PHF8: variants seen among roughly 807,000 people sequenced by gnomAD.
PHF8 encodes the protein PHD finger protein 8, also known as histone lysine demethylase PHF8.
Under a neutral mutation model 74.4 loss-of-function variants are expected in PHF8, and 9 were observed. The observed-to-expected ratio is 0.12, with a 90% CI of 0.07 to 0.21. The LOEUF (loss-of-function observed/expected upper bound fraction) is 0.21, where lower values mean the gene tolerates loss of function less well. Among genes scored for constraint, PHF8 ranks in the 10% least tolerant of loss-of-function variants. The probability of loss-of-function intolerance (pLI) is 1.00; values close to 1 mark genes in which losing one functional copy is unlikely to be tolerated. For missense variants in PHF8, 478 were observed against 816.6 expected, an observed-to-expected ratio of 0.59 and a Z score of 5.05; for synonymous variants, 311 against 316.6, an observed-to-expected ratio of 0.98 and a Z score of 0.19.
intron 19 of PHF8, among the ~76,000 whole-genome samples, chrX:53,953,645 A>C (rs2064965713): frequency 1.0e-5 from 1 of 97,076 alleles, no homozygotes; most frequent in Non-Finnish European, 2.1e-5. Context: ...CTCTGTCTCA[A>C]AAAAAAAAAA....
chrX:53,957,285 G>T (rs974928101), intron 19 of PHF8, among the ~76,000 whole-genome samples: 2 of 110,207 alleles, frequency 1.8e-5, no homozygotes, highest in African/African-American at 6.6e-5. Flanking sequence ...CCCAGGAGGC[G>T]GAGGTTGCAG....
chrX:54,032,059 C>T (rs1227009187), intron 2 of PHF8, among the ~76,000 whole-genome samples: 2 of 111,505 alleles, frequency 1.8e-5, no homozygotes, highest in Non-Finnish European at 3.8e-5. Flanking sequence ...TTTAGTCTAT[C>T]CTCACAAGAG....
upstream of PHF8, chrX:54,044,782 T>C: frequency 1.4e-6 from 1 of 725,804 alleles, no homozygotes; most frequent in Non-Finnish European, 2.0e-6. Flanking sequence ...CTTCTCCTCC[T>C]ATGAGAGGAG....
chrX:53,948,473 A>G (rs1400468015), intron 19 of PHF8, among the ~76,000 whole-genome samples: 1 of 109,992 alleles, frequency 9.1e-6, no homozygotes, highest in African/African-American at 3.3e-5. Flanking sequence ...GGGTTTCACC[A>G]TGTTGGCCAG....
Position 53,939,164 on chromosome X carries a change from A to T in PHF8, c.3069T>A (p.Leu1023=), listed in dbSNP as rs782467107. ...GGGTGGGACACAGGAGGGCTCACAG[A>T]AGTAGTTTGCCATTTCTGTGGATTT... is the stretch of plus-strand genomic sequence containing the variant. The part of the protein sequence containing the change: ...ILKIHRNGKL[L]L Residue 1023 remains leucine (L), a synonymous_variant, in exon 22 of 22, where the codon CTT becomes CTA. Coordinates refer to ENST00000338154, the MANE Select transcript of PHF8 (RefSeq NM_015107.3). 1.7e-6 allele frequency: 2 copies of T among 1,206,669 alleles called. No individual in the cohort carries two copies. The highest frequency in any genetic ancestry group is 2.2e-5 in the Admixed American group (1 of 45,650).
intron 20 of PHF8, among the ~76,000 whole-genome samples, chrX:53,941,726 T>C (rs1021068743): frequency 1.8e-4 from 20 of 112,040 alleles, no homozygotes; most frequent in Non-Finnish European, 3.8e-4. Context: ...ATAATAACAA[T>C]ATTAGTAATA....
intron 7 of PHF8, among the ~76,000 whole-genome samples, chrX:54,014,143 G>T (rs1275253379): frequency 9.1e-6 from 1 of 110,189 alleles, no homozygotes; most frequent in Non-Finnish European, 1.9e-5. Flanking sequence ...TTTTAGTAGA[G>T]ATGGGGTTTC....
chrX:53,974,201 G>A (rs1166931430), intron 18 of PHF8, among the ~76,000 whole-genome samples: 1 of 110,804 alleles, frequency 9.0e-6, no homozygotes, highest in Non-Finnish European at 1.9e-5. Flanking sequence ...GGGAGGCGGA[G>A]CTTGCAGTGA....
intron 6 of PHF8, among the ~76,000 whole-genome samples, chrX:54,016,159 C>T (rs2066064640): frequency 9.0e-6 from 1 of 111,567 alleles, no homozygotes; most frequent in Admixed American, 9.6e-5. Flanking sequence ...AAATATAACC[C>T]AGCTCGCCAT....
rs1214234237 is a variant in PHF8, at chrX:53,937,793, T to TAC, written c.*1363_*1364dup. 4.7e-6 allele frequency: 2 copies of TAC among 421,233 alleles called. No individual in the cohort carries two copies. The highest frequency in any genetic ancestry group is 8.3e-6 in the Non-Finnish European group (2 of 241,760). 34.7% of individuals were successfully genotyped at this position (421,233 alleles called of 1,213,427 possible). ...GCTGGGGTGAGGTTGGAGTGGGTGGTACAGGTGGAAAGGGCAAGGGTACAC... is the reference window on the plus strand; with the variant it reads ...GCTGGGGTGAGGTTGGAGTGGGTGGTACACAGGTGGAAAGGGCAAGGGTACAC... On this transcript the variant is annotated 3_prime_UTR_variant, in exon 22 of 22. Transcript: ENST00000338154.
intron 5 of PHF8, 79 bp from the exon 6 acceptor site, chrX:54,016,815 G>C (rs938332813): frequency 8.8e-6 from 7 of 792,102 alleles, no homozygotes; most frequent in Non-Finnish European, 1.3e-5. Context: ...TCAGTCCCTA[G>C]AATGGCCTTA....
intron 6 of PHF8, 99 bp from the exon 7 acceptor site, chrX:54,014,662 C>G (rs1557107549): frequency 1.7e-6 from 1 of 596,382 alleles, no homozygotes; most frequent in East Asian, 3.6e-5. Context: ...TCAGATAAGT[C>G]AGAGAACAAG....
At chrX:54,037,604 G>A (rs1283264488) in intron 2 of PHF8, among the ~76,000 whole-genome samples, 1 of 111,964 alleles carries the variant, frequency 8.9e-6, no homozygotes, top group Non-Finnish European at 1.9e-5. Context: ...AGCACCTGAA[G>A]ATATCAAAAG....
rs2066194732 is a variant in PHF8, at chrX:54,022,433, G to A, written c.185-66C>T. The A allele has an allele frequency of 1.3e-5, 9 of 692,910 alleles. No homozygotes were observed. In the Middle Eastern group the frequency reaches 1.5e-3, roughly 112 times the overall value. The allele number at this position is 692,910 out of a possible 1,213,427, so 57.1% of individuals were successfully genotyped here. On this transcript the variant is annotated intron_variant, in intron 3 of 21. Coordinates refer to ENST00000338154, the MANE Select transcript of PHF8 (RefSeq NM_015107.3). ...CATGAGCTATGATACCAAGAACAAA[G>A]GCCTCAGCAGATCCTTCTCTTCCAA...
chrX:54,029,775 T>C (rs2066324071), intron 2 of PHF8, among the ~76,000 whole-genome samples: 1 of 111,278 alleles, frequency 9.0e-6, no homozygotes, highest in Non-Finnish European at 1.9e-5. Context: ...CAGCAGGAGG[T>C]AGAACCACAT....
intron 19 of PHF8, among the ~76,000 whole-genome samples, chrX:53,959,850 C>T (rs1293971758): frequency 6.8e-5 from 5 of 73,556 alleles, no homozygotes; most frequent in African/African-American, 2.9e-4. Flanking sequence ...GGCCACAGAG[C>T]GAGTTTCTGC....
In PHF8 at chrX:53,940,406, G is replaced by A. The variant is rs782357101; in HGVS notation, c.2760C>T (p.Pro920=). The stretch of plus-strand genomic sequence containing the variant: ...CAAGTTGTGGTGTGGCAGCCACAGT[G>A]GGGGCTGGTACTGTCAGACTGAGAT... The part of the protein sequence containing the change: ...DSNLSLTVPA[P]TVAATPQLVT... Residue 920 remains proline, a synonymous_variant, in exon 21 of 22, where the codon CCC becomes CCT. Coordinates refer to ENST00000338154, the MANE Select transcript of PHF8 (RefSeq NM_015107.3). 20 of 1,202,464 alleles carry A rather than the reference G, an allele frequency of 1.7e-5. No individual in the cohort carries two copies. The highest frequency in any genetic ancestry group is 2.1e-5 in the Non-Finnish European group (19 of 888,886).
chrX:54,038,858 C>T (rs1424380753), intron 2 of PHF8, among the ~76,000 whole-genome samples: 1 of 111,202 alleles, frequency 9.0e-6, no homozygotes, highest in Non-Finnish European at 1.9e-5. Flanking sequence ...CACTAGAGGC[C>T]GGGCATGGTG....
intron 8 of PHF8, among the ~76,000 whole-genome samples, chrX:54,005,917 G>A (rs2065891492): frequency 8.9e-6 from 1 of 111,926 alleles, no homozygotes; most frequent in Admixed American, 9.5e-5. Context: ...AAGGAAAACA[G>A]AATAAACAGA....
Sources: gnomAD v4.1 joint callset for allele counts (sites outside exome capture counted in the v4.1 genomes callset) on GRCh38, gnomAD v4.1.1 for gene constraint, MANE v1.5 for transcripts, NCBI Gene and HGNC (gene_info 2026-07-23, HGNC 2026-07-21) for gene names.